The following DMXL1 variants were observed in gnomAD, a reference collection of about 807,000 sequenced individuals.
The protein encoded by DMXL1 is Dmx like 1, also known as dmX-like protein 1.
In DMXL1, 99 loss-of-function variants were observed where a neutral mutation model predicts 319.2. The ratio of observed to expected loss-of-function variants is 0.31; its 90% CI spans 0.26 to 0.37. The LOEUF (loss-of-function observed/expected upper bound fraction) is 0.37, where lower values mean the gene tolerates loss of function less well. Ranked by LOEUF, DMXL1 falls within the 10% of genes least tolerant of loss-of-function variation. The probability of loss-of-function intolerance (pLI) is 1.00; values close to 1 mark genes in which losing one functional copy is unlikely to be tolerated. For synonymous variants in DMXL1, 1,385 were observed against 1,235.2 expected (o/e 1.12, Z -2.54); for missense variants, 3,745 against 3,595.6 (o/e 1.04, Z -1.06).
intron 16 of DMXL1, 104 bp from the exon 17 acceptor site, chr5:119,147,145 T>C (rs1400264506): frequency 1.8e-6 from 2 of 1,139,138 alleles, no homozygotes; most frequent in East Asian, 2.5e-5. Flanking sequence ...ATATGTTTAC[T>C]ATTTTATCTT....
intron 1 of DMXL1, among the ~76,000 whole-genome samples, chr5:119,097,700 G>A: frequency 6.6e-6 from 1 of 152,182 alleles, no homozygotes; most frequent in Non-Finnish European, 1.5e-5. Flanking sequence ...CTGGGCGACA[G>A]AGTGAGACTC....
intron 29 of DMXL1, 28 bp from the exon 30 acceptor site, chr5:119,193,800 G>A: frequency 6.2e-7 from 1 of 1,603,930 alleles, no homozygotes; most frequent in Non-Finnish European, 8.5e-7. Flanking sequence ...ATATGTGGCT[G>A]CTAAATTTCA....
chr5:119,219,964 C>T (rs1360951301), intron 35 of DMXL1, among the ~76,000 whole-genome samples: 4 of 150,124 alleles, frequency 2.7e-5, no homozygotes, highest in African/African-American at 9.8e-5. Context: ...ACTTCTCCCA[C>T]TATATTTCTG....
At chr5:119,233,870 C>T (rs533929270) in intron 39 of DMXL1, among the ~76,000 whole-genome samples, 4 of 151,996 alleles carry the variant, frequency 2.6e-5, no homozygotes, top group African/African-American at 7.2e-5. Context: ...CATTTTAACC[C>T]GATATTGTTG....
chr5:119,110,385 A>G (rs1378202536), intron 5 of DMXL1, 102 bp downstream of exon 5: 4 of 1,102,524 alleles, frequency 3.6e-6, no homozygotes, highest in Non-Finnish European at 5.0e-6. Flanking sequence ...CATAAAAAGT[A>G]TTGATTTTTA....
intron 35 of DMXL1, among the ~76,000 whole-genome samples, chr5:119,219,571 T>TAA (rs1329011694): frequency 1.1e-4 from 17 of 149,234 alleles, no homozygotes; most frequent in East Asian, 5.9e-4. Context: ...ATTAATTAAT[T>TAA]TATTTATTTA....
At chr5:119,212,193 G>A (rs1029580182) in intron 34 of DMXL1, among the ~76,000 whole-genome samples, 3 of 152,040 alleles carry the variant, frequency 2.0e-5, no homozygotes, top group Non-Finnish European at 2.9e-5. Flanking sequence ...CTTTGTGCCC[G>A]CTAAACAACA....
At chr5:119,226,565 T>C (rs1454310833) in intron 38 of DMXL1, among the ~76,000 whole-genome samples, 1 of 152,210 alleles carries the variant, frequency 6.6e-6, no homozygotes, top group Non-Finnish European at 1.5e-5. Flanking sequence ...CTCCAAGCCA[T>C]TCTCCACCTC....
At chr5:119,129,882 A>G (rs544771895) in intron 10 of DMXL1, among the ~76,000 whole-genome samples, 1 of 152,346 alleles carries the variant, frequency 6.6e-6, no homozygotes, top group South Asian at 2.1e-4. Flanking sequence ...AGAGTTAGAG[A>G]GAAAGAAAGC....
intron 13 of DMXL1, among the ~76,000 whole-genome samples, chr5:119,142,158 C>A (rs989162316): frequency 1.3e-5 from 2 of 151,882 alleles, no homozygotes; most frequent in African/African-American, 4.8e-5. Flanking sequence ...CTCTAAAAAC[C>A]CTGGAAGACA....
rs151195610 is a variant in DMXL1 at position 119,150,068 on chromosome 5, C to T, written c.4241C>T (p.Ala1414Val). The change falls in exon 18 of 44, where the codon GCA (alanine) becomes GTA (valine). Residue 1414 changes from alanine to valine, a missense_variant. By Grantham distance (64) the Ala-to-Val change is moderately conservative (BLOSUM62 0). Coordinates refer to ENST00000539542, the MANE Select transcript of DMXL1 (RefSeq NM_001290321.3). ...PPLPLYALLA[A>V]DDDSCYSSLE... ...CTTCCTTTATATGCCTTACTTGCAG[C>T]AGATGATGATAGCTGTTACTCATCT... 6.2e-7 allele frequency: 1 copy of T among 1,613,838 alleles called. No homozygotes were observed. The highest frequency in any genetic ancestry group is 1.3e-5 in the African/African-American group (1 of 75,022).
chr5:119,118,697 A>G (rs1162529611), intron 7 of DMXL1, 118 bp from the exon 8 acceptor site: 10 of 737,072 alleles, frequency 1.4e-5, no homozygotes, highest in African/African-American at 7.1e-5. Flanking sequence ...GTACATATTG[A>G]TATTTTCTTC....
intron 34 of DMXL1, among the ~76,000 whole-genome samples, chr5:119,208,210 ATTTTTTTTT>A (rs528514068): frequency 7.4e-6 from 1 of 135,902 alleles, no homozygotes; most frequent in African/African-American, 2.7e-5. Flanking sequence ...ATTATCAGGA[ATTTTTTTTT>A]TTTTTTTTTT....
At position 119,152,002 on chromosome 5, in the gene DMXL1, C is replaced by T. The variant is rs1486210625; in HGVS notation, c.4668C>T (p.Ser1556=). ...GACTCCATACCTTTCTTACAACTTCCCTTCCAGCCTATCGAGCTCAACTCC... is the reference window on the plus strand; with the variant it reads ...GACTCCATACCTTTCTTACAACTTCTCTTCCAGCCTATCGAGCTCAACTCC... ...AVRLHTFLTT[S]LPAYRAQLLH... The change falls in exon 19 of 44, where the codon TCC becomes TCT. Residue 1556 remains serine (S), a synonymous_variant. Transcript: ENST00000539542. The T allele has an allele frequency of 6.2e-7, 1 of 1,612,632 alleles. No homozygotes were observed. Among genetic ancestry groups the T allele is most frequent in the Non-Finnish European group, 8.5e-7 (1 of 1,179,224 alleles).
At chr5:119,182,293 A>G (rs1776919833) in intron 28 of DMXL1, among the ~76,000 whole-genome samples, 1 of 152,230 alleles carries the variant, frequency 6.6e-6, no homozygotes, top group Admixed American at 6.5e-5. Context: ...CAAATCTAGA[A>G]TATTTCATTT....
chr5:119,204,161 G>A (rs1781349316), intron 33 of DMXL1, among the ~76,000 whole-genome samples: 3 of 151,936 alleles, frequency 2.0e-5, no homozygotes, highest in East Asian at 1.9e-4. Context: ...TTTTTGAGAT[G>A]GAGTCTCACT....
At chr5:119,129,190 T>A in intron 9 of DMXL1, 21 bp from the exon 10 acceptor site, 1 of 1,490,090 alleles carries the variant, frequency 6.7e-7, no homozygotes, top group Non-Finnish European at 9.1e-7. Flanking sequence ...ATTTTAATTT[T>A]ATCTTTTTTT....
chr5:119,083,068 T>G (rs1752579812), intron 1 of DMXL1, among the ~76,000 whole-genome samples: 1 of 152,212 alleles, frequency 6.6e-6, no homozygotes, highest in Non-Finnish European at 1.5e-5. Context: ...TGGAATGCAG[T>G]GGCATGATCT....
intron 28 of DMXL1, 193 bp downstream of exon 28, chr5:119,178,437 C>T (rs957992185): frequency 8.5e-6 from 3 of 354,486 alleles, no homozygotes; most frequent in Non-Finnish European, 1.2e-5. Context: ...TTAAGATATT[C>T]CTGTACCAAT....
Sources: gnomAD v4.1 joint callset for allele counts (sites outside exome capture counted in the v4.1 genomes callset) on GRCh38, gnomAD v4.1.1 for gene constraint, MANE v1.5 for transcripts, NCBI Gene and HGNC (gene_info 2026-07-23, HGNC 2026-07-21) for gene names.